Variants in APBB1 observed in about 807,000 individuals in gnomAD.
The protein encoded by APBB1 is adaptor protein FE65a2.
A neutral mutation model predicts 78.4 loss-of-function variants in APBB1; 22 were observed. The ratio of observed to expected loss-of-function variants is 0.28; its 90% confidence interval spans 0.20 to 0.40. The LOEUF is 0.40. APBB1 is among the 10% of genes least tolerant of loss of function. The pLI, the probability that APBB1 is intolerant of heterozygous loss-of-function variation, is 1.00. For synonymous variants in APBB1, 369 were observed against 372.7 expected, an observed-to-expected ratio of 0.99 and a Z score of 0.12; for missense variants, 749 against 932.4, an observed-to-expected ratio of 0.80 and a Z score of 2.56.
At chr11:6,405,161 G>T in intron 2 of APBB1, 1 of 1,191,508 alleles carries the variant, frequency 8.4e-7, no homozygotes, top group Non-Finnish European at 1.0e-6. Context: ...CCCAGTCTTA[G>T]GGATACCAGG....
At chr11:6,407,036 G>T (rs1362572977) in intron 2 of APBB1, among the ~76,000 whole-genome samples, 1 of 152,194 alleles carries the variant, frequency 6.6e-6, no homozygotes, top group Non-Finnish European at 1.5e-5. Context: ...TTTAATTCAT[G>T]AATTCATGCA....
chr11:6,401,327 AG>A lies in APBB1; in HGVS notation c.1588+17del. The A allele has an allele frequency of 6.2e-7, 1 of 1,614,008 alleles. No individual in the cohort carries two copies. The highest frequency in any genetic ancestry group is 8.5e-7 in the Non-Finnish European group (1 of 1,179,986). On this transcript the variant is annotated intron_variant, in intron 11 of 14. Coordinates refer to ENST00000609360, the MANE Select transcript of APBB1 (RefSeq NM_001164.5). The surrounding 1 kb of genome is among the most constrained non-coding windows in gnomAD (Gnocchi z 4.5). ...GCCAACAAAGCTGAGCTGGACCTGG[AG>A]GGGTTTTGACACTGACCTTGGAAAG...
chr11:6,400,936 G>C, intron 12 of APBB1, 53 bp downstream of exon 12: 1 of 1,532,062 alleles, frequency 6.5e-7, no homozygotes, highest in South Asian at 1.1e-5. Flanking sequence ...GAGGGTAGGG[G>C]CAGAGTTTTA....
chr11:6,414,504 C>T (rs964015551), intron 1 of APBB1, among the ~76,000 whole-genome samples: 2 of 152,122 alleles, frequency 1.3e-5, no homozygotes, highest in Admixed American at 6.5e-5. Flanking sequence ...GACGGATGAA[C>T]GGGACAGACA....
rs368508811 is a variant in APBB1 at position 6,395,614 on chromosome 11, C to G, written c.2053G>C (p.Val685Leu). 1.1e-5 allele frequency: 17 copies of G among 1,597,770 alleles called. No individual in the cohort carries two copies. The highest frequency in any genetic ancestry group is 1.5e-5 in the Non-Finnish European group (17 of 1,170,938). The change falls in exon 15 of 15, where the codon GTA becomes CTA. Residue 685 changes from valine to leucine, a missense_variant. Val to Leu is a conservative substitution (Grantham distance 32, BLOSUM62 1). Coordinates refer to ENST00000609360, the MANE Select transcript of APBB1 (RefSeq NM_001164.5). The surrounding 1 kb of genome is among the most constrained non-coding windows in gnomAD (Gnocchi z 5.2). ...APPAESVARR[V>L]GWTVRRGVQS... Reference sequence around the variant, plus strand: ...ACACCCCTGCGGACAGTCCACCCTACACGCCGTGCCACAGACTCAGCAGGG... The same window carrying G: ...ACACCCCTGCGGACAGTCCACCCTAGACGCCGTGCCACAGACTCAGCAGGG...
chr11:6,396,296 A>G, intron 12 of APBB1, 81 bp from the exon 13 acceptor site: 3 of 1,260,032 alleles, frequency 2.4e-6, no homozygotes, highest in African/African-American at 1.5e-5. Flanking sequence ...GTTCCACCCA[A>G]TCAAACCCAG....
intron 7 of APBB1, 154 bp from the exon 8 acceptor site, chr11:6,402,363 C>T (rs926101039): frequency 1.7e-5 from 20 of 1,184,574 alleles, no homozygotes; most frequent in African/African-American, 6.1e-5. Context: ...GTGGAGGTCA[C>T]GTGTCATCTC....
At chr11:6,405,720 GC>G in intron 2 of APBB1, 1 of 976,570 alleles carries the variant, frequency 1.0e-6, no homozygotes, top group Non-Finnish European at 1.2e-6. Context: ...CTTCTAGGCA[GC>G]CATCACCGCC....
intron 7 of APBB1, 166 bp from the exon 8 acceptor site, chr11:6,402,375 C>G: frequency 8.8e-7 from 1 of 1,139,246 alleles, no homozygotes; most frequent in African/African-American, 1.5e-5. Flanking sequence ...TGTCATCTCT[C>G]ACATTGACTC....
chr11:6,406,086 T>G (rs187224414), intron 2 of APBB1, among the ~76,000 whole-genome samples: 1 of 152,218 alleles, frequency 6.6e-6, no homozygotes, highest in Non-Finnish European at 1.5e-5. Flanking sequence ...TTCTCCCCCC[T>G]TGGCCATCTG....
chr11:6,403,440 AT>A lies in APBB1; in HGVS notation c.955-37del. On this transcript the variant is annotated intron_variant, in intron 4 of 14. Transcript: ENST00000609360. The surrounding 1 kb of genome is among the most constrained non-coding windows in gnomAD (Gnocchi z 5.3). ...GGATTGAGGAATCAGTATCAAAATG[AT>A]GCCCCTCCTCCAGCTATCCCGTGGT... The A allele has an allele frequency of 1.2e-6, 2 of 1,614,074 alleles. No homozygotes were observed. The highest frequency in any genetic ancestry group is 8.5e-7 in the Non-Finnish European group (1 of 1,179,940).
At chr11:6,416,163 T>G (rs955841057) in intron 1 of APBB1, among the ~76,000 whole-genome samples, 37 of 152,166 alleles carry the variant, frequency 2.4e-4, no homozygotes, top group African/African-American at 8.9e-4. Context: ...TCATCCAGCC[T>G]CTATCCGGGG....
Position 6,401,660 on chromosome 11 carries a change from G to T in APBB1, c.1417C>A (p.Leu473Met), listed in dbSNP as rs775016386. Residue 473 changes from leucine (L) to methionine (M), a missense_variant, in exon 10 of 15, where the codon CTG becomes ATG. By Grantham distance (15) the Leu-to-Met change is conservative (BLOSUM62 2). Around this residue, in one of 3 missense-constraint regions of APBB1, gnomAD observed 635 missense variants for 765.0 expected, o/e 0.83. Coordinates refer to ENST00000609360, the MANE Select transcript of APBB1 (RefSeq NM_001164.5). The surrounding 1 kb of genome is among the most constrained non-coding windows in gnomAD (Gnocchi z 4.5). ...RDFAYVARDKLTQMLKCHVFR... is the reference protein window; with the variant it reads ...RDFAYVARDKMTQMLKCHVFR... ...ACGTGGCACTTGAGCATCTGGGTCA[G>T]CTTATCACGAGCTACGTAGGCAAAG... 6.2e-7 allele frequency: 1 copy of T among 1,614,188 alleles called. No homozygotes were observed. The highest frequency in any genetic ancestry group is 8.5e-7 in the Non-Finnish European group (1 of 1,180,022).
chr11:6,413,767 G>A (rs1010236838), intron 1 of APBB1, among the ~76,000 whole-genome samples: 33 of 152,036 alleles, frequency 2.2e-4, no homozygotes, highest in African/African-American at 6.5e-4. Flanking sequence ...CACCGCGCCC[G>A]GCCCCATAGC....
At chr11:6,412,948 G>A (rs1849011827) in intron 1 of APBB1, among the ~76,000 whole-genome samples, 1 of 151,894 alleles carries the variant, frequency 6.6e-6, no homozygotes, top group Admixed American at 6.6e-5. Context: ...AGCCCTTCGT[G>A]GGTCAGTTTC....
intron 1 of APBB1, among the ~76,000 whole-genome samples, chr11:6,413,379 TC>T (rs1461790147): frequency 6.6e-6 from 1 of 152,202 alleles, no homozygotes; most frequent in Admixed American, 6.5e-5. Context: ...ATCTGAGAGT[TC>T]CCTATCTCCC....
At chr11:6,407,664 T>C (rs1848847220) in intron 2 of APBB1, among the ~76,000 whole-genome samples, 1 of 152,182 alleles carries the variant, frequency 6.6e-6, no homozygotes, top group Non-Finnish European at 1.5e-5. Context: ...AATAATCAGC[T>C]GGAGTGCAGG....
intron 2 of APBB1, among the ~76,000 whole-genome samples, chr11:6,409,932 A>G (rs1290657836): frequency 4.6e-5 from 7 of 152,204 alleles, no homozygotes; most frequent in Non-Finnish European, 7.3e-5. Context: ...ACAAAACTGT[A>G]TCCTTGCAAT....
chr11:6,414,866 G>A (rs960165319), intron 1 of APBB1, among the ~76,000 whole-genome samples: 1 of 152,184 alleles, frequency 6.6e-6, no homozygotes, highest in African/African-American at 2.4e-5. Flanking sequence ...TACAGAGCCA[G>A]GTTTCTCAAA....
Sources: gnomAD v4.1 joint callset for allele counts (sites outside exome capture counted in the v4.1 genomes callset) on GRCh38, gnomAD v4.1.1 for gene constraint, gnomAD v4.1.1 regional missense constraint, Gnocchi (gnomAD v3.1) non-coding constraint, MANE v1.5 for transcripts, NCBI Gene and HGNC (gene_info 2026-07-23, HGNC 2026-07-21) for gene names.